The following NCKAP5 variants were observed in gnomAD, a reference collection of about 807,000 sequenced individuals.
The protein encoded by NCKAP5 is nck-associated protein 5.
NCKAP5 carries 92 observed loss-of-function variants against 167.0 expected under a neutral mutation model. The ratio of observed to expected loss-of-function variants is 0.55; its 90% confidence interval spans 0.47 to 0.66. NCKAP5 has a LOEUF of 0.66. Among genes scored for constraint, NCKAP5 ranks in the 30% least tolerant of loss-of-function variants. The pLI is 0.00. For synonymous variants in NCKAP5, 891 were observed against 877.4 expected, an observed-to-expected ratio of 1.02 and a Z score of -0.27; for missense variants, 2,378 against 2,315.0, an observed-to-expected ratio of 1.03 and a Z score of -0.56.
intron 3 of NCKAP5, among the ~76,000 whole-genome samples, chr2:133,469,764 T>C (rs1157262310): frequency 6.6e-6 from 1 of 151,928 alleles, no homozygotes; most frequent in Non-Finnish European, 1.5e-5. Flanking sequence ...ATTCATTTCA[T>C]CTTCCATTGC....
chr2:133,581,186 T>TA, the NCKAP5 span, among the ~76,000 whole-genome samples: 12 of 152,020 alleles, frequency 7.9e-5, no homozygotes, highest in African/African-American at 1.5e-4. Context: ...AATATGAGTT[T>TA]AAAAAAAATC....
chr2:133,637,742 A>G, the NCKAP5 span, among the ~76,000 whole-genome samples: 33 of 152,260 alleles, frequency 2.2e-4, 1 homozygote, highest in African/African-American at 7.9e-4. Context: ...TAAAAGTTTT[A>G]ACAGAACAGG....
intron 6 of NCKAP5, among the ~76,000 whole-genome samples, chr2:133,016,203 G>A (rs79128943): frequency 0.011 from 1,730 of 152,316 alleles, 28 homozygotes; most frequent in African/African-American, 0.039. Context: ...CCGAGCTACT[G>A]TCCGGTGGCC....
intron 3 of NCKAP5, among the ~76,000 whole-genome samples, chr2:133,387,136 A>T (rs1427096891): frequency 6.6e-6 from 1 of 152,128 alleles, no homozygotes; most frequent in Non-Finnish European, 1.5e-5. Flanking sequence ...GTTTCCTCCT[A>T]AACTTGATGG....
At chr2:133,036,716 T>G (rs1421978979) in intron 6 of NCKAP5, among the ~76,000 whole-genome samples, 1 of 152,082 alleles carries the variant, frequency 6.6e-6, no homozygotes, top group African/African-American at 2.4e-5. Context: ...AGTATCATAC[T>G]TAATGGAGTA....
At position 133,184,221 on chromosome 2, in the gene NCKAP5, G is replaced by T. The variant is rs535130703; in HGVS notation, c.207+29495C>A. Among the ~76,000 whole-genome samples the T allele has an allele frequency of 8.4e-4, 127 of 152,056 alleles. 1 individual carries two copies. Among genetic ancestry groups the T allele is most frequent in the Admixed American group, 8.3e-3 (127 of 15,270 alleles). On this transcript the variant is annotated intron_variant, in intron 5 of 19. Coordinates refer to ENST00000409261, the MANE Select transcript of NCKAP5 (RefSeq NM_207363.3). ...TATAAGTGAAAACACACCATATTTG[G>T]TTTTCTGTTCCTGTGTTAATTAGTT...
At chr2:132,955,562 G>A (rs1436690679) in intron 8 of NCKAP5, among the ~76,000 whole-genome samples, 2 of 152,152 alleles carry the variant, frequency 1.3e-5, no homozygotes, top group South Asian at 4.1e-4. Context: ...TATCATTGAT[G>A]GGCATTTGGG....
the NCKAP5 span, among the ~76,000 whole-genome samples, chr2:133,605,084 C>T: frequency 1.3e-5 from 2 of 152,156 alleles, no homozygotes; most frequent in African/African-American, 2.4e-5. Flanking sequence ...GATTTATCTA[C>T]CTCCCCGGGC....
intron 5 of NCKAP5, among the ~76,000 whole-genome samples, chr2:133,181,200 G>T (rs924722928): frequency 9.2e-5 from 14 of 152,034 alleles, no homozygotes; most frequent in African/African-American, 3.4e-4. Context: ...TTATAAGCAG[G>T]ACAGGTAAAA....
At chr2:133,132,649 C>T (rs1202401675) in intron 5 of NCKAP5, among the ~76,000 whole-genome samples, 1 of 151,078 alleles carries the variant, frequency 6.6e-6, no homozygotes, top group Non-Finnish European at 1.5e-5. Context: ...TCCACACCTA[C>T]TAAATATGAA....
At chr2:132,738,486 C>A in intron 16 of NCKAP5, among the ~76,000 whole-genome samples, 1 of 152,158 alleles carries the variant, frequency 6.6e-6, no homozygotes, top group East Asian at 1.9e-4. Context: ...TAAGTTCTTA[C>A]TAAAGAGTCA....
chr2:132,714,951 G>A (rs1316590685), intron 19 of NCKAP5: 1 of 446,700 alleles, frequency 2.2e-6, no homozygotes, highest in Non-Finnish European at 4.5e-6. Context: ...GAGGTTCACA[G>A]AGGAGCCCAC....
chr2:132,864,008 T>C (rs1282439533), intron 10 of NCKAP5, among the ~76,000 whole-genome samples: 2 of 152,214 alleles, frequency 1.3e-5, no homozygotes, highest in African/African-American at 2.4e-5. Flanking sequence ...AAGGAATGCA[T>C]GACTGCATGA....
At chr2:133,465,723 T>A (rs2151254581) in intron 3 of NCKAP5, among the ~76,000 whole-genome samples, 1 of 152,242 alleles carries the variant, frequency 6.6e-6, no homozygotes, top group African/African-American at 2.4e-5. Flanking sequence ...AGATGGTACC[T>A]CATTGTGGTT....
At chr2:133,510,208 C>G (rs1335336831) in intron 3 of NCKAP5, among the ~76,000 whole-genome samples, 1 of 152,152 alleles carries the variant, frequency 6.6e-6, no homozygotes, top group African/African-American at 2.4e-5. Context: ...GACCATCACT[C>G]AAGTCATAAA....
the NCKAP5 span, among the ~76,000 whole-genome samples, chr2:133,577,761 T>C: frequency 1.1e-4 from 17 of 152,178 alleles, no homozygotes; most frequent in Admixed American, 9.2e-4. Flanking sequence ...TTTTGATCTA[T>C]ATGTATGAGC....
chr2:133,097,313 A>G (rs1356366784), intron 6 of NCKAP5, among the ~76,000 whole-genome samples: 2 of 152,140 alleles, frequency 1.3e-5, no homozygotes, highest in African/African-American at 2.4e-5. Flanking sequence ...TCAAATCTCT[A>G]TAGTTTGGAG....
chr2:133,499,559 T>C (rs1402493596), intron 3 of NCKAP5, among the ~76,000 whole-genome samples: 1 of 151,928 alleles, frequency 6.6e-6, no homozygotes, highest in African/African-American at 2.4e-5. Context: ...CTTTTTTGTT[T>C]TTTGTTTTTT....
At chr2:132,873,196 C>T (rs1041149774) in intron 9 of NCKAP5, among the ~76,000 whole-genome samples, 6 of 151,364 alleles carry the variant, frequency 4.0e-5, no homozygotes, top group African/African-American at 1.2e-4. Flanking sequence ...CTCTGCCTCC[C>T]GGGTTCACGC....
Sources: allele counts gnomAD v4.1 joint callset (sites outside exome capture counted in the v4.1 genomes callset), GRCh38; gene constraint gnomAD v4.1.1; transcripts MANE v1.5; gene names NCBI Gene and HGNC (gene_info 2026-07-23, HGNC 2026-07-21).